The following PALLD variants were observed in gnomAD, a reference collection of about 807,000 sequenced individuals.
PALLD encodes palladin, cytoskeletal associated protein.
A neutral mutation model predicts 123.5 loss-of-function variants in PALLD; 61 were observed. The observed-to-expected ratio is 0.49, with a 90% confidence interval of 0.40 to 0.61. PALLD has a LOEUF of 0.61. Ranked by LOEUF, PALLD falls within the 20% of genes least tolerant of loss-of-function variation. The pLI is 0.00. For synonymous variants in PALLD, 465 were observed against 496.4 expected (o/e 0.94, Z 0.84); for missense variants, 1,273 against 1,377.0 (o/e 0.92, Z 1.20).
chr4:168,686,554 A>G (rs1256801620), intron 6 of PALLD: 1 of 152,226 alleles, frequency 6.6e-6, no homozygotes, highest in South Asian at 2.1e-4. Flanking sequence ...AAGGACATGA[A>G]TTCATTCTTT....
rs1779839249 is a variant in PALLD at position 168,668,197 on chromosome 4, T to C, written c.916T>C (p.Cys306Arg). The C allele has an allele frequency of 6.2e-7, 1 of 1,613,824 alleles. No individual in the cohort carries two copies. Among genetic ancestry groups the C allele is most frequent in the Non-Finnish European group, 8.5e-7 (1 of 1,179,754 alleles). ...CCTCCATTTGGCCTGCAGATGGTTC[T>C]GTGAAGGGAAAGAACTGCACAACAC... ...GNPTPRVRWF[C>R]EGKELHNTPD... Residue 306 changes from cysteine to arginine, a missense_variant, in exon 3 of 22, where the codon TGT becomes CGT. Transcript: ENST00000505667.
intron 10 of PALLD, among the ~76,000 whole-genome samples, chr4:168,825,162 G>T (rs372513396): frequency 3.3e-5 from 5 of 151,902 alleles, no homozygotes; most frequent in African/African-American, 1.2e-4. Context: ...TCTCTCCTAT[G>T]GAGCTTATGG....
At chr4:168,618,900 A>T (rs1252899481) in intron 2 of PALLD, among the ~76,000 whole-genome samples, 1 of 152,230 alleles carries the variant, frequency 6.6e-6, no homozygotes. Flanking sequence ...TTTTTCTTCC[A>T]CATGGATCCT....
In PALLD at chr4:168,668,386, G is replaced by C. The variant is rs1274937595; in HGVS notation, c.1087+18G>C. ...CATTGAAGGTAAGGAGGGGTGCCTG[G>C]TAATGGGGGATAAAGGGGTGTCAAT... On this transcript the variant is annotated intron_variant, in intron 3 of 21. Transcript: ENST00000505667. 1 of 1,584,116 alleles carries C rather than the reference G, an allele frequency of 6.3e-7. No homozygotes were observed. Among genetic ancestry groups the C allele is most frequent in the African/African-American group, 1.3e-5 (1 of 74,356 alleles).
chr4:168,814,883 G>T (rs1741688519), intron 10 of PALLD, among the ~76,000 whole-genome samples: 1 of 152,140 alleles, frequency 6.6e-6, no homozygotes, highest in Admixed American at 6.5e-5. Flanking sequence ...CAATTCTCCT[G>T]CCTCAGCCTC....
chr4:168,802,757 G>A (rs189713522), intron 10 of PALLD, among the ~76,000 whole-genome samples: 5 of 151,890 alleles, frequency 3.3e-5, no homozygotes, highest in African/African-American at 1.2e-4. Context: ...ATGGCACCAT[G>A]TCGGCTCACC....
intron 13 of PALLD, among the ~76,000 whole-genome samples, chr4:168,897,085 C>T (rs571307883): frequency 1.3e-5 from 2 of 152,342 alleles, no homozygotes; most frequent in South Asian, 2.1e-4. Context: ...CCCGCCTTGG[C>T]TTCCCAAAGC....
intron 10 of PALLD, among the ~76,000 whole-genome samples, chr4:168,821,081 C>T (rs1412008910): frequency 1.3e-5 from 2 of 152,150 alleles, no homozygotes; most frequent in African/African-American, 4.8e-5. Flanking sequence ...CTCCAAATGT[C>T]GCAGACATAA....
At chr4:168,793,239 A>G (rs1307156680) in intron 10 of PALLD, among the ~76,000 whole-genome samples, 1 of 17,404 alleles carries the variant, frequency 5.7e-5, no homozygotes, top group Non-Finnish European at 1.2e-4. Flanking sequence ...ATATACATAT[A>G]TATGTGTGCA....
chr4:168,631,048 T>C (rs1159795171), intron 2 of PALLD, among the ~76,000 whole-genome samples: 2 of 152,196 alleles, frequency 1.3e-5, no homozygotes, highest in African/African-American at 2.4e-5. Context: ...ACTTGATTAA[T>C]GGCAGACTTG....
rs144785366 is a variant in PALLD, at chr4:168,775,893, T to C, written c.1964+63970T>C. On this transcript the variant is annotated intron_variant, in intron 10 of 21. Transcript: ENST00000505667. ...GACTCTATTCTGTTCAATTAGTCTG[T>C]TTGTCTTTATGCCAGCACTGTACTG... is the stretch of plus-strand genomic sequence containing the variant. Among the ~76,000 whole-genome samples the C allele has an allele frequency of 5.1e-3, 784 of 152,316 alleles. 2 individuals are homozygous for C. The highest frequency in any genetic ancestry group is 7.6e-3 in the Non-Finnish European group (520 of 68,022).
chr4:168,562,685 G>A (rs1767983663), intron 2 of PALLD, among the ~76,000 whole-genome samples: 1 of 152,118 alleles, frequency 6.6e-6, no homozygotes, highest in Non-Finnish European at 1.5e-5. Context: ...ATGGGAATGA[G>A]ACAGGCATGT....
intron 2 of PALLD, among the ~76,000 whole-genome samples, chr4:168,664,991 A>G (rs983995441): frequency 2.0e-5 from 3 of 152,214 alleles, no homozygotes; most frequent in Admixed American, 6.5e-5. Flanking sequence ...CTGTATGAAG[A>G]GACAAAATGT....
chr4:168,924,804 T>TAATCTCTACAGAATA (rs1231743583), intron 19 of PALLD, 141 bp from the exon 20 acceptor site: 11 of 799,950 alleles, frequency 1.4e-5, no homozygotes, highest in African/African-American at 1.2e-4. Flanking sequence ...ATGGAGCTAG[T>TAATCTCTACAGAATA]AATCTCTACA....
intron 2 of PALLD, among the ~76,000 whole-genome samples, chr4:168,652,276 A>G (rs1778129357): frequency 6.6e-6 from 1 of 152,202 alleles, no homozygotes; most frequent in South Asian, 2.1e-4. Flanking sequence ...GGATATAAAA[A>G]TGGAGGAAGG....
At chr4:168,633,063 T>C (rs553022483) in intron 2 of PALLD, among the ~76,000 whole-genome samples, 84 of 152,350 alleles carry the variant, frequency 5.5e-4, no homozygotes, top group African/African-American at 1.9e-3. Flanking sequence ...GAGTGTAATT[T>C]AACATCCTAG....
rs375219239 is a variant in PALLD, at chr4:168,511,620, T to A, written c.116T>A (p.Ile39Lys). ...GLSAFLSQEEINKSLDLARRA... is the reference protein window; with the variant it reads ...GLSAFLSQEEKNKSLDLARRA... ...TCTGCTTTCCTCAGCCAGGAAGAGA[T>A]AAACAAGAGTCTTGACCTGGCCCGG... The change falls in exon 2 of 22, where the codon ATA becomes AAA. Residue 39 changes from isoleucine to lysine, a missense_variant. Physicochemically the swap from Ile to Lys is moderately radical, Grantham distance 102 (BLOSUM62 -3). Around this residue, in one of 2 missense-constraint regions of PALLD, gnomAD observed 944 missense variants for 954.5 expected, o/e 0.99. Coordinates refer to ENST00000505667, the MANE Select transcript of PALLD (RefSeq NM_001166108.2). 1.7e-5 allele frequency: 27 copies of A among 1,614,070 alleles called. No homozygotes were observed. The African/African-American group carries it at 2.0e-4, about 12-fold the overall frequency.
At chr4:168,524,572 C>T (rs12498412) in intron 2 of PALLD, among the ~76,000 whole-genome samples, 42,629 of 151,658 alleles carry the variant, frequency 0.28, 6,956 homozygotes, top group East Asian at 0.56. Flanking sequence ...ATGAAGTATC[C>T]CTCCCCTAGA....
At chr4:168,556,554 T>C (rs896028116) in intron 2 of PALLD, among the ~76,000 whole-genome samples, 1 of 152,206 alleles carries the variant, frequency 6.6e-6, no homozygotes, top group African/African-American at 2.4e-5. Context: ...ATGCTTTCAA[T>C]GTGTGCAAAT....
Sources: gnomAD v4.1 joint callset for allele counts (sites outside exome capture counted in the v4.1 genomes callset) on GRCh38, gnomAD v4.1.1 for gene constraint, gnomAD v4.1.1 regional missense constraint, MANE v1.5 for transcripts, NCBI Gene and HGNC (gene_info 2026-07-23, HGNC 2026-07-21) for gene names.